The following GRID2 variants were observed in gnomAD, a reference collection of about 807,000 sequenced individuals.
The protein encoded by GRID2 is glutamate ionotropic receptor delta type subunit 2.
GRID2 carries 33 observed loss-of-function variants against 114.8 expected under a neutral mutation model. The observed-to-expected ratio is 0.29, with a 90% CI of 0.22 to 0.38. The LOEUF (loss-of-function observed/expected upper bound fraction) is 0.38, where lower values mean the gene tolerates loss of function less well. Among genes scored for constraint, GRID2 ranks in the 10% least tolerant of loss-of-function variants. The probability of loss-of-function intolerance (pLI) is 1.00; values close to 1 mark genes in which losing one functional copy is unlikely to be tolerated. For missense variants in GRID2, 1,184 were observed against 1,257.7 expected (o/e 0.94, Z 0.89); for synonymous variants, 505 against 449.9 (o/e 1.12, Z -1.55).
chr4:93,496,120 TA>T (rs34078987), intron 12 of GRID2, among the ~76,000 whole-genome samples: 29,748 of 141,650 alleles, frequency 0.21, 3,555 homozygotes, highest in Non-Finnish European at 0.3. Flanking sequence ...TTCCTGATTG[TA>T]AAAAAAAAAA....
At chr4:93,750,476 A>C (rs1214225939) in intron 14 of GRID2, among the ~76,000 whole-genome samples, 2 of 152,218 alleles carry the variant, frequency 1.3e-5, no homozygotes, top group African/African-American at 2.4e-5. Flanking sequence ...CTTTCTGTTA[A>C]AAGGTGGTCT....
intron 3 of GRID2, among the ~76,000 whole-genome samples, chr4:93,086,378 C>G (rs555587650): frequency 2.4e-4 from 36 of 152,176 alleles, no homozygotes; most frequent in Non-Finnish European, 5.3e-4. Context: ...AACAGTTACA[C>G]AAGAGTCGTC....
At chr4:92,894,614 A>G (rs983540681) in intron 2 of GRID2, among the ~76,000 whole-genome samples, 2 of 152,196 alleles carry the variant, frequency 1.3e-5, no homozygotes, top group African/African-American at 4.8e-5. Context: ...TAATATTCCT[A>G]CTATGTACTA....
intron 14 of GRID2, among the ~76,000 whole-genome samples, chr4:93,648,064 A>G (rs774718877): frequency 7.2e-5 from 11 of 152,192 alleles, no homozygotes; most frequent in Non-Finnish European, 1.5e-4. Flanking sequence ...ATCTGACTTC[A>G]GCTGTCATGC....
At chr4:93,426,072 T>G (rs1412332046) in intron 10 of GRID2, among the ~76,000 whole-genome samples, 2 of 152,154 alleles carry the variant, frequency 1.3e-5, no homozygotes, top group African/African-American at 4.8e-5. Context: ...CCTAAATTGT[T>G]TGTAAGGAAT....
At chr4:92,684,913 G>A (rs1197181142) in intron 2 of GRID2, among the ~76,000 whole-genome samples, 2 of 151,888 alleles carry the variant, frequency 1.3e-5, no homozygotes, top group Non-Finnish European at 2.9e-5. Context: ...ATTAAGTCTT[G>A]CAGTATTTTA....
At chr4:93,530,412 G>A (rs945859330) in intron 13 of GRID2, among the ~76,000 whole-genome samples, 4 of 152,030 alleles carry the variant, frequency 2.6e-5, no homozygotes, top group African/African-American at 9.7e-5. Flanking sequence ...CCTTTCACAT[G>A]CCATACATTA....
chr4:92,930,997 C>T (rs1332312656), intron 2 of GRID2, among the ~76,000 whole-genome samples: 1 of 150,740 alleles, frequency 6.6e-6, no homozygotes, highest in Non-Finnish European at 1.5e-5. Flanking sequence ...AGGAAGGAAA[C>T]ACTTTCCAAT....
intron 4 of GRID2, among the ~76,000 whole-genome samples, chr4:93,154,933 T>C (rs1404726790): frequency 1.3e-5 from 2 of 152,008 alleles, no homozygotes; most frequent in Admixed American, 1.3e-4. Flanking sequence ...TTTTAGATGA[T>C]CCTTACATTT....
rs147507249 is a variant in GRID2 at position 92,836,101 on chromosome 4, C to G, written c.244+245815C>G. On this transcript the variant is annotated intron_variant, in intron 2 of 15. Coordinates refer to ENST00000282020, the MANE Select transcript of GRID2 (RefSeq NM_001510.4). ...GTAAATAGCTTTTTTTGGAACAGAG[C>G]TACTGCCATTTATTTTTGTATCATC... 5.1e-4 allele frequency among the ~76,000 whole-genome samples: 77 copies of G among 152,192 alleles called. No individual in the cohort carries two copies. In the East Asian group the frequency reaches 0.013, roughly 25 times the overall value.
intron 8 of GRID2, among the ~76,000 whole-genome samples, chr4:93,350,211 T>C (rs1403967238): frequency 3.3e-5 from 5 of 152,240 alleles, no homozygotes; most frequent in Non-Finnish European, 5.9e-5. Context: ...GCCTGCAGCA[T>C]AAAGGACAAA....
intron 2 of GRID2, among the ~76,000 whole-genome samples, chr4:92,757,757 A>G (rs561030520): frequency 6.6e-6 from 1 of 152,192 alleles, no homozygotes; most frequent in South Asian, 2.1e-4. Context: ...CAGAATGAAA[A>G]GCAGATGTTT....
At chr4:93,118,095 G>C (rs1733450495) in intron 4 of GRID2, among the ~76,000 whole-genome samples, 1 of 152,126 alleles carries the variant, frequency 6.6e-6, no homozygotes, top group Non-Finnish European at 1.5e-5. Context: ...TGCAGGTAGA[G>C]GTCTTGATGC....
intron 1 of GRID2, among the ~76,000 whole-genome samples, chr4:92,573,054 A>C (rs1169933494): frequency 6.6e-6 from 1 of 151,730 alleles, no homozygotes; most frequent in Admixed American, 6.6e-5. Context: ...GTCTTGGGAG[A>C]GTGTACGTTT....
At chr4:93,058,044 AT>A (rs1012591407) in intron 2 of GRID2, among the ~76,000 whole-genome samples, 18 of 150,776 alleles carry the variant, frequency 1.2e-4, no homozygotes, top group African/African-American at 4.4e-4. Context: ...TTATTCTTCA[AT>A]TTTCCCCAAA....
At chr4:92,609,477 G>T (rs544936203) in intron 2 of GRID2, among the ~76,000 whole-genome samples, 1 of 151,532 alleles carries the variant, frequency 6.6e-6, no homozygotes, top group South Asian at 2.1e-4. Flanking sequence ...CATGATGATG[G>T]TGAGGTGCCA....
intron 4 of GRID2, among the ~76,000 whole-genome samples, chr4:93,115,426 TTTA>T (rs1733151809): frequency 1.5e-5 from 1 of 68,236 alleles, no homozygotes. Flanking sequence ...CACACACATT[TTTA>T]TTATTTTTCT....
At chr4:93,522,438 T>C (rs1730430823) in intron 13 of GRID2, among the ~76,000 whole-genome samples, 1 of 152,192 alleles carries the variant, frequency 6.6e-6, no homozygotes, top group South Asian at 2.1e-4. Flanking sequence ...TGAGTATTTG[T>C]CTAGCCATCA....
intron 13 of GRID2, among the ~76,000 whole-genome samples, chr4:93,520,503 G>A (rs752788892): frequency 2.6e-5 from 4 of 152,108 alleles, no homozygotes; most frequent in Non-Finnish European, 5.9e-5. Flanking sequence ...CAGGCAGAGG[G>A]AATGCTCATT....
Sources: allele counts gnomAD v4.1 joint callset (sites outside exome capture counted in the v4.1 genomes callset), GRCh38; gene constraint gnomAD v4.1.1; transcripts MANE v1.5; gene names NCBI Gene and HGNC (gene_info 2026-07-23, HGNC 2026-07-21).